CUX1: variants seen among roughly 807,000 people sequenced by gnomAD.
The protein encoded by CUX1 is protein CASP.
Under a neutral mutation model 158.8 loss-of-function variants are expected in CUX1, and 31 were observed. The ratio of observed to expected loss-of-function variants is 0.20; its 90% CI spans 0.15 to 0.26. The LOEUF (loss-of-function observed/expected upper bound fraction) is 0.26. CUX1 is among the 10% of genes least tolerant of loss of function. The pLI is 1.00. For synonymous variants in CUX1, 879 were observed against 862.1 expected (o/e 1.02, Z -0.34); for missense variants, 1,589 against 2,014.6 (o/e 0.79, Z 4.04).
rs1047515025 is a variant in CUX1, at chr7:102,255,015, G to C, written c.*5973G>C. 1.3e-4 allele frequency: 128 copies of C among 985,408 alleles called. No homozygotes were observed. The highest frequency in any genetic ancestry group is 1.5e-4 in the Non-Finnish European group (123 of 830,056). The allele number at this position is 985,408 out of a possible 1,614,324, so 61.0% of individuals were successfully genotyped here. On this transcript the variant is annotated 3_prime_UTR_variant, in exon 24 of 24. Coordinates refer to ENST00000292535, the MANE Select transcript of CUX1 (RefSeq NM_181552.4). The stretch of plus-strand genomic sequence containing the variant: ...GTCCACCAACCCTTGGGCTTAATCA[G>C]GACGGAAGAGGAGGGGGTGTGGGGG...
chr7:101,953,268 C>T (rs1187923113), intron 2 of CUX1, among the ~76,000 whole-genome samples: 1 of 152,208 alleles, frequency 6.6e-6, no homozygotes, highest in Non-Finnish European at 1.5e-5. Flanking sequence ...TTCATTCTCC[C>T]TCCCTTTCAA....
intron 1 of CUX1, among the ~76,000 whole-genome samples, chr7:101,915,318 G>A (rs552529559): frequency 3.3e-5 from 5 of 152,256 alleles, no homozygotes; most frequent in South Asian, 2.1e-4. Context: ...GTTCTCTGGC[G>A]CGTTGATTAT....
intron 1 of CUX1, among the ~76,000 whole-genome samples, chr7:101,830,588 G>A (rs968400442): frequency 2.0e-5 from 3 of 152,088 alleles, no homozygotes; most frequent in African/African-American, 7.2e-5. Flanking sequence ...TTGTAGCTGG[G>A]ACCACAGGTG....
chr7:102,158,622 C>T lies in CUX1; in HGVS notation c.723+14C>T, dbSNP rs782809079. 22 of 1,613,654 alleles carry T rather than the reference C, an allele frequency of 1.4e-5. No homozygotes were observed. The highest frequency in any genetic ancestry group is 9.9e-5 in the South Asian group (9 of 91,066). The stretch of plus-strand genomic sequence containing the variant: ...AGGGCAAACCAGGTAGGACCCTGGA[C>T]GCTTTTAGTCCTAAAACCCACAATA... On this transcript the variant is annotated intron_variant, in intron 9 of 23. Coordinates refer to ENST00000292535, the MANE Select transcript of CUX1 (RefSeq NM_181552.4).
At chr7:101,856,378 C>T (rs1278679086) in intron 1 of CUX1, among the ~76,000 whole-genome samples, 1 of 152,066 alleles carries the variant, frequency 6.6e-6, no homozygotes, top group Non-Finnish European at 1.5e-5. Flanking sequence ...TATTTCCCTC[C>T]CTACTCTTAA....
At position 102,248,664 on chromosome 7, in the gene CUX1, C is replaced by G. The variant is rs782686794; in HGVS notation, c.4140C>G (p.Thr1380=). The part of the protein sequence containing the change: ...AEQTEPPPSG[T]PGPDDARDDD... The stretch of plus-strand genomic sequence containing the variant: ...AGACGGAGCCGCCGCCCTCGGGGAC[C>G]CCGGGCCCGGACGACGCCCGCGACG... Residue 1380 remains threonine, a synonymous_variant, in exon 24 of 24, where the codon ACC becomes ACG. Coordinates refer to ENST00000292535, the MANE Select transcript of CUX1 (RefSeq NM_181552.4). This position sits in a 1 kb window ranked among gnomAD's most constrained non-coding sequence, Gnocchi z 5.8. The G allele has an allele frequency of 3.7e-6, 5 of 1,336,354 alleles. No individual in the cohort carries two copies. Among genetic ancestry groups the G allele is most frequent in the Non-Finnish European group, 4.8e-6 (5 of 1,044,600 alleles). 82.8% of individuals were successfully genotyped at this position (1,336,354 alleles called of 1,614,324 possible).
chr7:102,233,906 C>T (rs1425847456), intron 21 of CUX1, 146 bp from the exon 22 acceptor site: 1 of 484,412 alleles, frequency 2.1e-6, no homozygotes, highest in African/African-American at 2.0e-5. Context: ...ATATTTCTAC[C>T]ACATGTTTGC....
intron 3 of CUX1, among the ~76,000 whole-genome samples, chr7:102,050,322 G>A (rs1205339320): frequency 6.6e-6 from 1 of 152,168 alleles, no homozygotes; most frequent in Non-Finnish European, 1.5e-5. Flanking sequence ...ATGGGAGCTG[G>A]TAGCTAGTTA....
intron 1 of CUX1, among the ~76,000 whole-genome samples, chr7:101,878,659 G>A (rs867243037): frequency 6.6e-6 from 1 of 151,924 alleles, no homozygotes; most frequent in Admixed American, 6.6e-5. Flanking sequence ...ACGCACCAGC[G>A]GCTTACAAGA....
chr7:102,087,589 A>AT (rs1554480941), intron 4 of CUX1, among the ~76,000 whole-genome samples: 1 of 152,196 alleles, frequency 6.6e-6, no homozygotes. Context: ...TCAAAAAAAA[A>AT]GTGAAAAGTA....
intron 1 of CUX1, among the ~76,000 whole-genome samples, chr7:101,841,102 G>T (rs901844604): frequency 3.3e-5 from 5 of 151,740 alleles, no homozygotes; most frequent in Non-Finnish European, 5.9e-5. Flanking sequence ...ACCGTGTTAG[G>T]CAGGATGGTC....
chr7:102,065,622 C>T (rs553864661), intron 3 of CUX1, among the ~76,000 whole-genome samples: 8 of 152,162 alleles, frequency 5.3e-5, no homozygotes, highest in Non-Finnish European at 1.2e-4. Flanking sequence ...TCGGCCTGAC[C>T]GTGTTCCTCA....
intron 9 of CUX1, among the ~76,000 whole-genome samples, chr7:102,166,197 C>T (rs1791013031): frequency 6.6e-6 from 1 of 152,206 alleles, no homozygotes; most frequent in Non-Finnish European, 1.5e-5. Context: ...TGTTTTCTGC[C>T]ATCGTGGTCT....
In CUX1 at chr7:102,257,407, T is replaced by C. The variant is rs1790017904; in HGVS notation, c.*8365T>C. ...AAAACGGGCATCTCACGTACCCCCA[T>C]CTGAGACCTCTTGGAAAAAAAAAAT... On this transcript the variant is annotated 3_prime_UTR_variant, in exon 24 of 24. Transcript: ENST00000292535. The C allele has an allele frequency of 1.0e-6, 1 of 984,608 alleles. No homozygotes were observed. Among genetic ancestry groups the C allele is most frequent in the Non-Finnish European group, 1.2e-6 (1 of 829,768 alleles). The allele number at this position is 984,608 out of a possible 1,614,324, so 61.0% of individuals were successfully genotyped here. A position where few individuals can be genotyped will look rare whatever the true frequency, so the allele number is the denominator to read the frequency against.
At chr7:101,975,130 A>G (rs2129201723) in intron 2 of CUX1, among the ~76,000 whole-genome samples, 1 of 152,256 alleles carries the variant, frequency 6.6e-6, no homozygotes, top group East Asian at 1.9e-4. Flanking sequence ...AGGTGCCTGT[A>G]ATCTCAGCTG....
In CUX1 at chr7:102,197,260, G is replaced by A; in HGVS notation, c.1849G>A (p.Glu617Lys). 1 of 1,614,130 alleles carries A rather than the reference G, an allele frequency of 6.2e-7. No individual in the cohort carries two copies. The highest frequency in any genetic ancestry group is 8.5e-7 in the Non-Finnish European group (1 of 1,180,010). ...CAAGATGAAACAGTTCCTCTCCGAT[G>A]AGCAGAACATCCTGGCCCTCCGTAG... ...FHKMKQFLSD[E>K]QNILALRSIQ... The change falls in exon 15 of 24, where the codon GAG becomes AAG. Residue 617 changes from glutamate (E) to lysine (K), a missense_variant. By Grantham distance (56) the Glu-to-Lys change is moderately conservative. Transcript: ENST00000292535.
At chr7:101,928,379 T>G (rs1475674754) in intron 2 of CUX1, among the ~76,000 whole-genome samples, 1 of 150,890 alleles carries the variant, frequency 6.6e-6, no homozygotes, top group East Asian at 1.9e-4. Context: ...TTTTTTCTTT[T>G]TTTTTTTTTG....
At chr7:101,941,711 C>T (rs185715293) in intron 2 of CUX1, among the ~76,000 whole-genome samples, 6 of 152,318 alleles carry the variant, frequency 3.9e-5, no homozygotes, top group African/African-American at 1.4e-4. Flanking sequence ...GCTGGGATCA[C>T]AGATCAGGAG....
At chr7:102,007,012 C>CAG (rs1358222334) in intron 2 of CUX1, among the ~76,000 whole-genome samples, 1 of 152,232 alleles carries the variant, frequency 6.6e-6, no homozygotes, top group East Asian at 1.9e-4. Context: ...TCTGCACGAG[C>CAG]TGCCTTGGGA....
Sources: gnomAD v4.1 joint callset for allele counts (sites outside exome capture counted in the v4.1 genomes callset) on GRCh38, gnomAD v4.1.1 for gene constraint, Gnocchi (gnomAD v3.1) non-coding constraint, MANE v1.5 for transcripts, NCBI Gene and HGNC (gene_info 2026-07-23, HGNC 2026-07-21) for gene names.